Variants in TG observed in about 807,000 individuals in gnomAD.
TG encodes thyroid hormones.
TG carries 270 observed loss-of-function variants against 324.7 expected under a neutral mutation model. That is an observed-to-expected ratio of 0.83 (90% CI 0.75 to 0.92). The LOEUF is 0.92. Among genes scored for constraint, TG ranks in the 40% least tolerant of loss-of-function variants. The pLI, the probability that TG is intolerant of heterozygous loss-of-function variation, is 0.00. For missense variants in TG, 3,591 were observed against 3,456.4 expected, an observed-to-expected ratio of 1.04 and a Z score of -0.98; for synonymous variants, 1,401 against 1,327.0, an observed-to-expected ratio of 1.06 and a Z score of -1.21.
chr8:133,134,822 A>G lies in TG; in HGVS notation c.*28A>G. The G allele has an allele frequency of 6.3e-7, 1 of 1,582,694 alleles. No individual in the cohort carries two copies. Among genetic ancestry groups the G allele is most frequent in the Non-Finnish European group, 8.7e-7 (1 of 1,151,492 alleles). On this transcript the variant is annotated 3_prime_UTR_variant, in exon 48 of 48. Coordinates refer to ENST00000220616, the MANE Select transcript of TG (RefSeq NM_003235.5). Reference sequence around the variant, plus strand: ...AGCCCTTGAGCTCCCCAAAAACCTCACCCGAGGCTGCCCACTATGGTCATC... The same window carrying G: ...AGCCCTTGAGCTCCCCAAAAACCTCGCCCGAGGCTGCCCACTATGGTCATC...
rs1223431837 is a variant in TG at position 132,967,674 on chromosome 8, C to T, written c.5687-120C>T. The T allele has an allele frequency of 3.0e-5, 33 of 1,108,178 alleles. No individual in the cohort carries two copies. In the South Asian group the frequency reaches 3.2e-4, roughly 11 times the overall value. 68.6% of individuals were successfully genotyped at this position (1,108,178 alleles called of 1,614,324 possible). A position where few individuals can be genotyped will look rare whatever the true frequency, so the allele number is the denominator to read the frequency against. Reference sequence around the variant, plus strand: ...ACTGGATGATCATGACAGTCTCAGGCCTCTGCCCTAACTAGGAGGGATCTC... The same window carrying T: ...ACTGGATGATCATGACAGTCTCAGGTCTCTGCCCTAACTAGGAGGGATCTC... On this transcript the variant is annotated intron_variant, in intron 30 of 47. Transcript: ENST00000220616.
At position 133,010,846 on chromosome 8, in the gene TG, C is replaced by T. The variant is rs987906615; in HGVS notation, c.6263-1055C>T. Reference sequence around the variant, plus strand: ...CTTCCCTCCCCCATGCTGAGACAGCCACGTCCTACGTACAGGACTAGGGAG... The same window carrying T: ...CTTCCCTCCCCCATGCTGAGACAGCTACGTCCTACGTACAGGACTAGGGAG... On this transcript the variant is annotated intron_variant, in intron 35 of 47. Transcript: ENST00000220616. Among the ~76,000 whole-genome samples the T allele has an allele frequency of 1.3e-5, 2 of 152,158 alleles. 1 individual carries two copies. Among genetic ancestry groups the T allele is most frequent in the South Asian group, 4.1e-4 (2 of 4,820 alleles).
In TG at chr8:132,897,643, C is replaced by T; in HGVS notation, c.3002-6C>T. Reference sequence around the variant, plus strand: ...ATATTCTGCTTTTCTCCTTCCCTGACTCCAGCCTTAAGCTTCTATCAGAGA... The same window carrying T: ...ATATTCTGCTTTTCTCCTTCCCTGATTCCAGCCTTAAGCTTCTATCAGAGA... On this transcript the variant is annotated splice_region_variant and splice_polypyrimidine_tract_variant and intron_variant, in intron 11 of 47. Coordinates refer to ENST00000220616, the MANE Select transcript of TG (RefSeq NM_003235.5). The T allele has an allele frequency of 3.1e-6, 5 of 1,614,208 alleles. No individual in the cohort carries two copies. The highest frequency in any genetic ancestry group is 4.2e-6 in the Non-Finnish European group (5 of 1,180,036).
intron 41 of TG, among the ~76,000 whole-genome samples, chr8:133,062,887 A>G (rs946381050): frequency 2.0e-5 from 3 of 152,082 alleles, no homozygotes; most frequent in African/African-American, 7.2e-5. Flanking sequence ...TGACATGCAC[A>G]GGCTGCTCTG....
At chr8:133,020,183 C>T (rs537444028) in intron 39 of TG, among the ~76,000 whole-genome samples, 3 of 152,316 alleles carry the variant, frequency 2.0e-5, no homozygotes, top group East Asian at 1.9e-4. Context: ...TCCCTGTCGC[C>T]GTGTTCCAAA....
At chr8:132,885,039 T>A (rs1815185901) in intron 8 of TG, among the ~76,000 whole-genome samples, 1 of 151,816 alleles carries the variant, frequency 6.6e-6, no homozygotes, top group Non-Finnish European at 1.5e-5. Flanking sequence ...ATTTTCCAGT[T>A]CTTTCTCTGT....
intron 37 of TG, among the ~76,000 whole-genome samples, chr8:133,015,849 C>T (rs975044738): frequency 6.6e-6 from 1 of 152,222 alleles, no homozygotes; most frequent in Non-Finnish European, 1.5e-5. Flanking sequence ...CCTTTCCAGC[C>T]TGAGTTTCCA....
intron 45 of TG, among the ~76,000 whole-genome samples, chr8:133,120,514 G>T (rs1471970607): frequency 6.6e-6 from 1 of 152,194 alleles, no homozygotes; most frequent in Non-Finnish European, 1.5e-5. Context: ...TCCCCCTGTA[G>T]GTGCTAGGGA....
At chr8:132,967,141 C>CCATG (rs1261547358) in intron 30 of TG, among the ~76,000 whole-genome samples, 5,799 of 150,448 alleles carry the variant, frequency 0.039, 376 homozygotes, top group African/African-American at 0.13. Flanking sequence ...ATCCATCCAT[C>CCATG]CATCCATCCA....
chr8:132,913,485 C>A (rs989173031), intron 20 of TG, among the ~76,000 whole-genome samples: 1 of 152,208 alleles, frequency 6.6e-6, no homozygotes, highest in Non-Finnish European at 1.5e-5. Flanking sequence ...GTGATTCTTT[C>A]TGTTGGTTAT....
intron 41 of TG, among the ~76,000 whole-genome samples, chr8:133,069,361 C>T (rs1843598181): frequency 6.6e-6 from 1 of 152,252 alleles, no homozygotes; most frequent in Admixed American, 6.5e-5. Context: ...GGGATCTCCC[C>T]TCACTGTCAG....
rs1834761840 is a variant in TG, at chr8:133,013,824, A to AT, written c.6562+63dup. The AT allele has an allele frequency of 1.9e-6, 3 of 1,567,452 alleles. No individual in the cohort carries two copies. The African/African-American group carries it at 4.1e-5, about 21-fold the overall frequency. ...GGAAACTGGGTCTGGGGAAGGGACT[A>AT]TTTAAACACTTGGTGAGTTGGAGGA... On this transcript the variant is annotated intron_variant, in intron 37 of 47. Coordinates refer to ENST00000220616, the MANE Select transcript of TG (RefSeq NM_003235.5).
intron 25 of TG, 119 bp from the exon 26 acceptor site, chr8:132,941,232 C>A (rs978314038): frequency 4.5e-5 from 55 of 1,233,540 alleles, no homozygotes; most frequent in Non-Finnish European, 6.2e-5. Flanking sequence ...TCTTGGCCCA[C>A]ACGCTGCCTG....
intron 35 of TG, chr8:132,994,998 G>C (rs1235746324): frequency 6.2e-6 from 6 of 972,466 alleles, no homozygotes; most frequent in Non-Finnish European, 7.3e-6. Context: ...GTAATTCTCA[G>C]CATTGGCTCA....
chr8:132,958,774 C>G (rs1827332026), intron 27 of TG, among the ~76,000 whole-genome samples: 2 of 152,184 alleles, frequency 1.3e-5, no homozygotes, highest in South Asian at 2.1e-4. Flanking sequence ...AACCCCATAG[C>G]CTGAGCTTTG....
intron 37 of TG, among the ~76,000 whole-genome samples, chr8:133,014,845 T>G (rs1449045486): frequency 6.6e-6 from 1 of 152,226 alleles, no homozygotes; most frequent in Non-Finnish European, 1.5e-5. Flanking sequence ...TCGTAAGTCT[T>G]GCCCTCTCTT....
At position 133,126,739 on chromosome 8, in the gene TG, G is replaced by A. The variant is rs149306653; in HGVS notation, c.7863-5073G>A. Among the ~76,000 whole-genome samples, 17 of 151,956 alleles carry A rather than the reference G, an allele frequency of 1.1e-4. 2 individuals carry two copies. The East Asian group carries it at 3.3e-3, about 29-fold the overall frequency. ...TTTGCATATTAGATTTGCCCAAAGA[G>A]AGGCACGCTTATAAGCTTCTAGTCA... On this transcript the variant is annotated intron_variant, in intron 45 of 47. Transcript: ENST00000220616.
intron 35 of TG, among the ~76,000 whole-genome samples, chr8:133,005,229 T>A (rs1833918960): frequency 6.6e-6 from 1 of 151,116 alleles, no homozygotes. Context: ...GCGCAGGAGG[T>A]GAGAGGCTGT....
intron 24 of TG, 117 bp from the exon 25 acceptor site, chr8:132,935,639 G>A (rs780973271): frequency 6.3e-5 from 54 of 863,486 alleles, no homozygotes; most frequent in Non-Finnish European, 9.8e-5. Flanking sequence ...TAGACCAGGA[G>A]CAACTAACTT....
Sources: allele counts gnomAD v4.1 joint callset (sites outside exome capture counted in the v4.1 genomes callset), GRCh38; gene constraint gnomAD v4.1.1; transcripts MANE v1.5; gene names NCBI Gene and HGNC (gene_info 2026-07-23, HGNC 2026-07-21).